The following FAM120C variants were observed in gnomAD, a reference collection of about 807,000 sequenced individuals.
The protein encoded by FAM120C is constitutive coactivator of PPAR-gamma-like protein 2.
A neutral mutation model predicts 71.2 loss-of-function variants in FAM120C; 14 were observed. The ratio of observed to expected loss-of-function variants is 0.20; its 90% CI spans 0.13 to 0.31. FAM120C has a LOEUF of 0.31. FAM120C is among the 10% of genes least tolerant of loss of function. The pLI, the probability that FAM120C is intolerant of heterozygous loss-of-function variation, is 1.00. For synonymous variants in FAM120C, 354 were observed against 353.2 expected (o/e 1.00, Z -0.03); for missense variants, 500 against 879.0 (o/e 0.57, Z 5.45).
chrX:54,111,215 T>C (rs919899425), intron 10 of FAM120C, among the ~76,000 whole-genome samples: 1 of 110,542 alleles, frequency 9.0e-6, no homozygotes, highest in African/African-American at 3.3e-5. Context: ...AGCAGGATCC[T>C]GTCTCCAAAA....
intron 9 of FAM120C, among the ~76,000 whole-genome samples, chrX:54,125,258 C>T (rs935371300): frequency 9.1e-6 from 1 of 110,161 alleles, no homozygotes; most frequent in Non-Finnish European, 1.9e-5. Flanking sequence ...TTTCTGGATG[C>T]CCTGTTGTAT....
At chrX:54,111,480 C>T (rs1284367837) in intron 10 of FAM120C, among the ~76,000 whole-genome samples, 1 of 109,491 alleles carries the variant, frequency 9.1e-6, no homozygotes, top group African/African-American at 3.3e-5. Context: ...AGTAGCATTT[C>T]TATACACCAA....
At chrX:54,127,191 G>A (rs782052923) in intron 9 of FAM120C, among the ~76,000 whole-genome samples, 38 of 111,133 alleles carry the variant, frequency 3.4e-4, no homozygotes, top group Non-Finnish European at 6.2e-4. Context: ...TTGGGGGTTA[G>A]GATTTCAACA....
chrX:54,071,988 A>C lies in FAM120C; in HGVS notation c.*1045T>G, dbSNP rs2066711403. On this transcript the variant is annotated 3_prime_UTR_variant, in exon 16 of 16. Transcript: ENST00000375180. ...TGTATGTGTGTATATATGTGTGTAT[A>C]TATATATACACACATATATACACAC... 9.6e-6 allele frequency: 1 copy of C among 104,116 alleles called. No homozygotes were observed. Among genetic ancestry groups the C allele is most frequent in the African/African-American group, 3.5e-5 (1 of 28,599 alleles). 8.6% of individuals were successfully genotyped at this position (104,116 alleles called of 1,213,427 possible). A position where few individuals can be genotyped will look rare whatever the true frequency, so the allele number is the denominator to read the frequency against.
At position 54,078,782 on chromosome X, in the gene FAM120C, T is replaced by C. The variant is rs1018340141; in HGVS notation, c.3036+1450A>G. ...ACAATATTTTGGATCACTACAAGAA[T>C]AGGTCCTCCTAGTTTGTATTTGGGT... On this transcript the variant is annotated intron_variant, in intron 15 of 15. Coordinates refer to ENST00000375180, the MANE Select transcript of FAM120C (RefSeq NM_017848.6). 3.0e-4 allele frequency among the ~76,000 whole-genome samples: 33 copies of C among 110,643 alleles called. 1 individual carries two copies. Among genetic ancestry groups the C allele is most frequent in the African/African-American group, 1.1e-3 (33 of 30,446 alleles).
At chrX:54,164,316 G>T (rs1388883062) in intron 1 of FAM120C, among the ~76,000 whole-genome samples, 1 of 112,129 alleles carries the variant, frequency 8.9e-6, no homozygotes, top group Non-Finnish European at 1.9e-5. Context: ...GTACAGTTCA[G>T]CTGTGTTATG....
intron 10 of FAM120C, among the ~76,000 whole-genome samples, chrX:54,098,731 C>T (rs1346531759): frequency 9.0e-6 from 1 of 111,497 alleles, no homozygotes; most frequent in Non-Finnish European, 1.9e-5. Flanking sequence ...TCAAGTGATT[C>T]TCCTGCCTCA....
intron 4 of FAM120C, among the ~76,000 whole-genome samples, chrX:54,143,409 A>G (rs1557131971): frequency 9.0e-6 from 1 of 110,666 alleles, no homozygotes; most frequent in African/African-American, 3.3e-5. Flanking sequence ...CAAAATTGAT[A>G]GACCGCTAGC....
chrX:54,118,164 A>C (rs1476485315), intron 9 of FAM120C, among the ~76,000 whole-genome samples: 1 of 109,602 alleles, frequency 9.1e-6, no homozygotes, highest in Non-Finnish European at 1.9e-5. Flanking sequence ...CAGAGGTTGC[A>C]ATGAGCCAAG....
rs898661498 is a variant in FAM120C at position 54,178,471 on chromosome X, G to A, written c.699+4029C>T. Among the ~76,000 whole-genome samples, 8 of 111,522 alleles carry A rather than the reference G, an allele frequency of 7.2e-5. No homozygotes were observed. The Admixed American group carries it at 7.7e-4, about 11-fold the overall frequency. ...GTAAACTTTGAGCAATATAAACCTA[G>A]AACAATAATTTTTATCCACCACTTA... On this transcript the variant is annotated intron_variant, in intron 1 of 15. Transcript: ENST00000375180.
intron 12 of FAM120C, among the ~76,000 whole-genome samples, chrX:54,087,373 C>T (rs1238394865): frequency 1.3e-4 from 14 of 107,486 alleles, no homozygotes; most frequent in African/African-American, 4.7e-4. Flanking sequence ...CTTCTGTTTC[C>T]AAACACAGCT....
chrX:54,128,780 G>T (rs1311433252), intron 9 of FAM120C, among the ~76,000 whole-genome samples: 1 of 107,756 alleles, frequency 9.3e-6, no homozygotes. Context: ...GAGAGCACAG[G>T]GTTGGGGGTA....
intron 15 of FAM120C, among the ~76,000 whole-genome samples, chrX:54,077,939 CT>C (rs1194855968): frequency 4.4e-3 from 241 of 55,295 alleles, no homozygotes; most frequent in African/African-American, 0.013. Flanking sequence ...AAGATCTACT[CT>C]TTTTTTTTTT....
At chrX:54,101,893 C>A (rs1185323614) in intron 10 of FAM120C, among the ~76,000 whole-genome samples, 3 of 111,787 alleles carry the variant, frequency 2.7e-5, no homozygotes, top group Admixed American at 1.9e-4. Context: ...GTGCTCTAAG[C>A]CTTCACTAGA....
At chrX:54,125,412 C>T (rs2067022008) in intron 9 of FAM120C, among the ~76,000 whole-genome samples, 1 of 111,032 alleles carries the variant, frequency 9.0e-6, no homozygotes, top group African/African-American at 3.3e-5. Context: ...GATCCTCTCA[C>T]CTCAGCCTCC....
chrX:54,088,094 T>G, intron 11 of FAM120C, 130 bp from the exon 12 acceptor site: 1 of 524,479 alleles, frequency 1.9e-6, no homozygotes. Context: ...GACATCTCAG[T>G]GCATAAGCAG....
intron 4 of FAM120C, 139 bp from the exon 5 acceptor site, chrX:54,136,729 G>A (rs781845215): frequency 2.3e-6 from 1 of 438,458 alleles, no homozygotes; most frequent in East Asian, 3.8e-5. Flanking sequence ...TCGCTTTGCA[G>A]ACAAGATTAG....
intron 9 of FAM120C, among the ~76,000 whole-genome samples, chrX:54,117,352 CTAAAAATAAAA>C (rs2066973522): frequency 4.6e-5 from 3 of 65,909 alleles, no homozygotes; most frequent in Non-Finnish European, 5.2e-5. Context: ...AATCCTGTCT[CTAAAAATAAAA>C]TAAAATAAAA....
intron 9 of FAM120C, among the ~76,000 whole-genome samples, chrX:54,117,424 C>T (rs1249521924): frequency 9.7e-5 from 9 of 92,840 alleles, no homozygotes; most frequent in Admixed American, 3.3e-4. Context: ...TAAGGCCAGG[C>T]GTGGTGGCTC....
Sources: allele counts gnomAD v4.1 joint callset (sites outside exome capture counted in the v4.1 genomes callset), GRCh38; gene constraint gnomAD v4.1.1; transcripts MANE v1.5; gene names NCBI Gene and HGNC (gene_info 2026-07-23, HGNC 2026-07-21).